The following ATP10B variants were observed in gnomAD, a reference collection of about 807,000 sequenced individuals.
ATP10B encodes the protein ATPase phospholipid transporting 10B (putative).
Under a neutral mutation model 141.2 loss-of-function variants are expected in ATP10B, and 122 were observed. That is an observed-to-expected ratio of 0.86 (90% CI 0.75 to 1.00). ATP10B has a LOEUF of 1.00. ATP10B is among the 50% of genes least tolerant of loss of function. The pLI is 0.00. For synonymous variants in ATP10B, 685 were observed against 692.0 expected (o/e 0.99, Z 0.16); for missense variants, 1,876 against 1,825.3 (o/e 1.03, Z -0.51).
intron 7 of ATP10B, among the ~76,000 whole-genome samples, chr5:160,669,467 A>G (rs546319591): frequency 7.9e-5 from 12 of 152,292 alleles, no homozygotes; most frequent in Admixed American, 2.0e-4. Flanking sequence ...GTCAGACCCC[A>G]GAGCCAGAGC....
the ATP10B span, among the ~76,000 whole-genome samples, chr5:160,919,760 G>A: frequency 1.3e-5 from 2 of 152,114 alleles, no homozygotes; most frequent in Admixed American, 1.3e-4. Flanking sequence ...AGTAGCTTCC[G>A]CTAGCTCTCT....
At chr5:160,833,750 A>G (rs1230956115) in intron 1 of ATP10B, among the ~76,000 whole-genome samples, 1 of 152,192 alleles carries the variant, frequency 6.6e-6, no homozygotes, top group Non-Finnish European at 1.5e-5. Context: ...CTTATAAGAC[A>G]GAACCCTATT....
At position 160,821,602 on chromosome 5, in the gene ATP10B, A is replaced by T. The variant is rs531150094; in HGVS notation, c.-576+30339T>A. On this transcript the variant is annotated intron_variant, in intron 1 of 25. Transcript: ENST00000327245. ...AGAATTAGAAGAATCACATTACCTG[A>T]CTTTATACTACTAAGCTATAGTAAC... Among the ~76,000 whole-genome samples, 41 of 152,264 alleles carry T rather than the reference A, an allele frequency of 2.7e-4. No homozygotes were observed. In the South Asian group the frequency reaches 7.7e-3, roughly 29 times the overall value.
rs75592248 is a variant in ATP10B at position 160,701,988 on chromosome 5, C to T, written c.-204-13045G>A. Among the ~76,000 whole-genome samples, 575 of 150,530 alleles carry T rather than the reference C, an allele frequency of 3.8e-3. 3 individuals are homozygous for T. Among genetic ancestry groups the T allele is most frequent in the Non-Finnish European group, 6.1e-3 (408 of 67,410 alleles). ...ACTCTACCTCAGTGCCTCCTGGGAA[C>T]AGTAACCCCTCTACCCCAGTACTTT... On this transcript the variant is annotated intron_variant, in intron 3 of 25. Coordinates refer to ENST00000327245, the MANE Select transcript of ATP10B (RefSeq NM_025153.3).
At chr5:160,909,297 G>GT in the ATP10B span, among the ~76,000 whole-genome samples, 5 of 151,940 alleles carry the variant, frequency 3.3e-5, no homozygotes, top group Admixed American at 6.6e-5. Flanking sequence ...GTGTGTGTGT[G>GT]TTTTTTTTAA....
chr5:160,716,834 T>C (rs778992800), intron 3 of ATP10B, 75 bp downstream of exon 3: 3 of 910,904 alleles, frequency 3.3e-6, no homozygotes, highest in African/African-American at 1.8e-5. Flanking sequence ...CAAAGGACTA[T>C]TGGAGCTACA....
intron 7 of ATP10B, among the ~76,000 whole-genome samples, 198 bp downstream of exon 7, chr5:160,670,265 C>T (rs1434872980): frequency 6.6e-6 from 1 of 152,158 alleles, no homozygotes. Context: ...TACTAAGCCT[C>T]AGTTTCCTCA....
At chr5:160,767,224 A>G (rs1217697757) in intron 2 of ATP10B, among the ~76,000 whole-genome samples, 1 of 152,170 alleles carries the variant, frequency 6.6e-6, no homozygotes, top group Non-Finnish European at 1.5e-5. Flanking sequence ...AGCTTGATAT[A>G]AGTCAATATT....
intron 1 of ATP10B, among the ~76,000 whole-genome samples, chr5:160,791,210 T>G (rs1771540781): frequency 6.6e-6 from 1 of 152,180 alleles, no homozygotes; most frequent in Non-Finnish European, 1.5e-5. Context: ...TTTAGTCTAG[T>G]AGGACCCATG....
chr5:160,786,826 G>T (rs1771189968), intron 1 of ATP10B, among the ~76,000 whole-genome samples: 1 of 151,934 alleles, frequency 6.6e-6, no homozygotes, highest in African/African-American at 2.4e-5. Flanking sequence ...CTCCCTATAG[G>T]GTCTGTCCAA....
chr5:160,871,514 C>T, the ATP10B span, among the ~76,000 whole-genome samples: 1 of 151,986 alleles, frequency 6.6e-6, no homozygotes, highest in Non-Finnish European at 1.5e-5. Flanking sequence ...TTATCCCTTG[C>T]TCCCTTTTCC....
At chr5:160,662,359 C>A (rs1286422538) in intron 7 of ATP10B, among the ~76,000 whole-genome samples, 1 of 152,136 alleles carries the variant, frequency 6.6e-6, no homozygotes, top group Non-Finnish European at 1.5e-5. Flanking sequence ...GCCAAAAGAA[C>A]AAAGCTGGAG....
the ATP10B span, among the ~76,000 whole-genome samples, chr5:160,887,448 T>C: frequency 1.4e-4 from 22 of 152,308 alleles, no homozygotes; most frequent in Non-Finnish European, 1.5e-5. Context: ...TCAGAACCCA[T>C]GGATATGGAT....
chr5:160,795,899 T>A (rs1771916894), intron 1 of ATP10B, among the ~76,000 whole-genome samples: 1 of 152,126 alleles, frequency 6.6e-6, no homozygotes, highest in African/African-American at 2.4e-5. Flanking sequence ...TGTAAGAGAA[T>A]GCATTTCTGT....
chr5:160,843,203 AGAG>A (rs1422321431), intron 1 of ATP10B, among the ~76,000 whole-genome samples: 2 of 152,168 alleles, frequency 1.3e-5, no homozygotes, highest in Non-Finnish European at 2.9e-5. Context: ...TTTAGAAAAA[AGAG>A]GAGATAAGTC....
At chr5:160,678,929 T>C (rs1302527837) in intron 6 of ATP10B, among the ~76,000 whole-genome samples, 1 of 152,222 alleles carries the variant, frequency 6.6e-6, no homozygotes, top group African/African-American at 2.4e-5. Flanking sequence ...CCCTGTGGCA[T>C]TGCATCCTGA....
intron 9 of ATP10B, 140 bp downstream of exon 9, chr5:160,643,998 T>C (rs1760083160): frequency 1.5e-6 from 1 of 668,740 alleles, no homozygotes; most frequent in Non-Finnish European, 2.7e-6. Context: ...AGCCTCCGTT[T>C]GCTTAGTTGA....
In ATP10B at chr5:160,596,791, C is replaced by A. The variant is rs951153750; in HGVS notation, c.3564+1979G>T. The stretch of plus-strand genomic sequence containing the variant: ...CAAATCGTGAATGAACTCCCACTCA[C>A]AATTGCTTCAAAGAGAATAAAATAC... On this transcript the variant is annotated intron_variant, in intron 22 of 25. Coordinates refer to ENST00000327245, the MANE Select transcript of ATP10B (RefSeq NM_025153.3). Among the ~76,000 whole-genome samples, 7 of 152,162 alleles carry A rather than the reference C, an allele frequency of 4.6e-5. No homozygotes were observed. The East Asian group carries it at 5.8e-4, about 13-fold the overall frequency.
chr5:160,787,741 C>G (rs544834926), intron 1 of ATP10B, among the ~76,000 whole-genome samples: 4 of 152,054 alleles, frequency 2.6e-5, no homozygotes, highest in Non-Finnish European at 5.9e-5. Flanking sequence ...AAGATTGGGA[C>G]ACTCTGTGAT....
Sources: gnomAD v4.1 joint callset for allele counts (sites outside exome capture counted in the v4.1 genomes callset) on GRCh38, gnomAD v4.1.1 for gene constraint, MANE v1.5 for transcripts, NCBI Gene and HGNC (gene_info 2026-07-23, HGNC 2026-07-21) for gene names.